The following P4HA1 variants were observed in gnomAD, a reference collection of about 807,000 sequenced individuals.
P4HA1 encodes the protein prolyl 4-hydroxylase subunit alpha 1.
Under a neutral mutation model 72.8 loss-of-function variants are expected in P4HA1, and 24 were observed. The observed-to-expected ratio is 0.33, with a 90% CI of 0.24 to 0.46. The LOEUF (loss-of-function observed/expected upper bound fraction) is 0.46, where lower values mean the gene tolerates loss of function less well. Ranked by LOEUF, P4HA1 falls within the 20% of genes least tolerant of loss-of-function variation. The pLI, the probability that P4HA1 is intolerant of heterozygous loss-of-function variation, is 1.00. For synonymous variants in P4HA1, 201 were observed against 218.8 expected (o/e 0.92, Z 0.72); for missense variants, 446 against 640.6 (o/e 0.70, Z 3.28).
intron 9 of P4HA1, among the ~76,000 whole-genome samples, chr10:73,034,305 A>T (rs906124551): frequency 5.5e-5 from 8 of 146,234 alleles, no homozygotes; most frequent in African/African-American, 2.2e-4. Flanking sequence ...ATATAACAGC[A>T]ATTTTACCAT....
intron 5 of P4HA1, among the ~76,000 whole-genome samples, chr10:73,066,504 G>A (rs1841425749): frequency 6.6e-6 from 1 of 152,092 alleles, no homozygotes; most frequent in African/African-American, 2.4e-5. Flanking sequence ...AGGCTGAGGT[G>A]GGATGTTTTC....
intron 7 of P4HA1, among the ~76,000 whole-genome samples, chr10:73,048,662 G>A (rs1448547515): frequency 6.6e-6 from 1 of 152,054 alleles, no homozygotes; most frequent in Non-Finnish European, 1.5e-5. Flanking sequence ...GTTTTATTTT[G>A]TTCCTTAAGA....
At chr10:73,024,606 C>A (rs1274235055) in intron 10 of P4HA1, among the ~76,000 whole-genome samples, 1 of 152,080 alleles carries the variant, frequency 6.6e-6, no homozygotes, top group Non-Finnish European at 1.5e-5. Flanking sequence ...CAAACAAATT[C>A]AAAAGCTAGC....
chr10:73,037,558 TATATATATA>T lies in P4HA1; in HGVS notation c.1149-7197_1149-7189del, dbSNP rs1329267714. 7.9e-3 allele frequency among the ~76,000 whole-genome samples: 294 copies of T among 37,210 alleles called. 12 individuals are homozygous for T. Among genetic ancestry groups the T allele is most frequent in the East Asian group, 0.045 (52 of 1,164 alleles). 24.4% of individuals were successfully genotyped at this position (37,210 alleles called of 152,430 possible). The stretch of plus-strand genomic sequence containing the variant: ...ATATATATATATATATATATATATA[TATATATATA>T]TATATTTTTTTTTTTTTTTTTTTAC... On this transcript the variant is annotated intron_variant, in intron 9 of 14. Transcript: ENST00000394890.
chr10:73,075,526 T>C (rs190261903), intron 1 of P4HA1, among the ~76,000 whole-genome samples: 1 of 152,300 alleles, frequency 6.6e-6, no homozygotes, highest in African/African-American at 2.4e-5. Context: ...GGCTTTTTCA[T>C]ATAGCCTGAA....
At position 73,089,829 on chromosome 10, in the gene P4HA1, A is replaced by G. The variant is rs117594412; in HGVS notation, c.-33+6937T>C. On this transcript the variant is annotated intron_variant, in intron 1 of 14. Transcript: ENST00000394890. ...TTCCTAGGGATACAGAGAGGGTAGT[A>G]AGGAGCAAAAGAAGGGATTACAAAA... 9.1e-4 allele frequency among the ~76,000 whole-genome samples: 139 copies of G among 152,292 alleles called. No homozygotes were observed. The East Asian group carries it at 9.8e-3, about 11-fold the overall frequency.
intron 4 of P4HA1, among the ~76,000 whole-genome samples, chr10:73,070,907 A>G (rs191110250): frequency 1.5e-3 from 235 of 152,292 alleles, no homozygotes; most frequent in Non-Finnish European, 2.9e-3. Context: ...GGGGCCAGGA[A>G]CCATGGCTCA....
chr10:73,027,131 A>G (rs1371884366), intron 10 of P4HA1, among the ~76,000 whole-genome samples: 1 of 152,218 alleles, frequency 6.6e-6, no homozygotes, highest in Non-Finnish European at 1.5e-5. Flanking sequence ...TCATGCTACT[A>G]TAAAGACACA....
intron 10 of P4HA1, among the ~76,000 whole-genome samples, chr10:73,019,127 T>C (rs1446922048): frequency 6.6e-6 from 1 of 151,924 alleles, no homozygotes; most frequent in South Asian, 2.1e-4. Context: ...ACTGAAGATA[T>C]TAACAATCTA....
intron 1 of P4HA1, among the ~76,000 whole-genome samples, chr10:73,081,390 TTATA>T (rs1841820521): frequency 6.6e-6 from 1 of 152,206 alleles, no homozygotes; most frequent in Non-Finnish European, 1.5e-5. Context: ...AAAGTGTTTA[TTATA>T]TAATTTTTGT....
Position 73,009,792 on chromosome 10 carries a change from A to T in P4HA1, c.1534+15T>A. 1 of 1,382,344 alleles carries T rather than the reference A, an allele frequency of 7.2e-7. No homozygotes were observed. The highest frequency in any genetic ancestry group is 1.0e-6 in the Non-Finnish European group (1 of 969,212). 85.6% of individuals were successfully genotyped at this position (1,382,344 alleles called of 1,614,324 possible). On this transcript the variant is annotated intron_variant, in intron 14 of 14. Transcript: ENST00000394890. The stretch of plus-strand genomic sequence containing the variant: ...AAAAATTACATTATCTTCGCAGAAT[A>T]TATGAAATATTTACCCCATTTGTTG...
intron 9 of P4HA1, among the ~76,000 whole-genome samples, chr10:73,037,624 CCAGTTA>C: frequency 1.6e-5 from 2 of 124,608 alleles, no homozygotes; most frequent in Admixed American, 1.9e-4. Context: ...CCCCAAAGTG[CCAGTTA>C]CAGAGGACAA....
intron 1 of P4HA1, among the ~76,000 whole-genome samples, chr10:73,096,127 C>CCTCGGCGCTACGAGCAGAAAG (rs1489662967): frequency 6.6e-6 from 1 of 152,356 alleles, no homozygotes; most frequent in East Asian, 1.9e-4. Flanking sequence ...GAGCCTACTT[C>CCTCGGCGCTACGAGCAGAAAG]CTCGGCGCTA....
At chr10:73,076,075 T>C (rs950645424) in intron 1 of P4HA1, among the ~76,000 whole-genome samples, 5 of 151,936 alleles carry the variant, frequency 3.3e-5, no homozygotes, top group African/African-American at 1.2e-4. Context: ...ACCCCATCTC[T>C]AAAAAACATG....
intron 13 of P4HA1, 51 bp from the exon 14 acceptor site, chr10:73,009,954 G>A: frequency 1.0e-6 from 1 of 990,794 alleles, no homozygotes. Flanking sequence ...CCAGGTAATT[G>A]CTTTCGGTAG....
chr10:73,058,216 GTTA>G (rs756969671), intron 5 of P4HA1, among the ~76,000 whole-genome samples: 13 of 151,754 alleles, frequency 8.6e-5, no homozygotes, highest in African/African-American at 2.4e-4. Flanking sequence ...TCTTTAGATG[GTTA>G]TTAAGAAATG....
intron 9 of P4HA1, among the ~76,000 whole-genome samples, chr10:73,035,114 G>C (rs1452353443): frequency 6.6e-6 from 1 of 151,998 alleles, no homozygotes; most frequent in Non-Finnish European, 1.5e-5. Flanking sequence ...TATGTACCTA[G>C]AAGTAGAATT....
chr10:73,011,648 A>T (rs971362228), intron 12 of P4HA1, among the ~76,000 whole-genome samples: 1 of 152,188 alleles, frequency 6.6e-6, no homozygotes. Flanking sequence ...TAACCAAAGA[A>T]TCACAAAAAA....
At chr10:73,080,810 C>T (rs376952410) in intron 1 of P4HA1, among the ~76,000 whole-genome samples, 7 of 152,252 alleles carry the variant, frequency 4.6e-5, no homozygotes, top group African/African-American at 1.4e-4. Flanking sequence ...CACCTGTAGT[C>T]CCAGCTACTC....
Sources: gnomAD v4.1 joint callset for allele counts (sites outside exome capture counted in the v4.1 genomes callset) on GRCh38, gnomAD v4.1.1 for gene constraint, MANE v1.5 for transcripts, NCBI Gene and HGNC (gene_info 2026-07-23, HGNC 2026-07-21) for gene names.